Variants in CSMD1 observed in about 807,000 individuals in gnomAD.
CSMD1 encodes the protein CUB and Sushi multiple domains 1, also known as CUB and sushi domain-containing protein 1.
Under a neutral mutation model 417.5 loss-of-function variants are expected in CSMD1, and 213 were observed. That is an observed-to-expected ratio of 0.51 (90% CI 0.46 to 0.57). CSMD1 has a LOEUF of 0.57. Ranked by LOEUF, CSMD1 falls within the 20% of genes least tolerant of loss-of-function variation. CSMD1 has a pLI of 0.00. For missense variants in CSMD1, 6,923 were observed against 4,529.7 expected, an observed-to-expected ratio of 1.53 and a Z score of -15.17; for synonymous variants, 2,862 against 1,736.8, an observed-to-expected ratio of 1.65 and a Z score of -16.11.
chr8:4,801,998 G>A (rs1798312640), intron 1 of CSMD1, among the ~76,000 whole-genome samples: 1 of 152,142 alleles, frequency 6.6e-6, no homozygotes, highest in African/African-American at 2.4e-5. Flanking sequence ...GCAAGGCTCA[G>A]CATTTTGCTT....
At chr8:4,569,651 T>C (rs1373237290) in intron 2 of CSMD1, among the ~76,000 whole-genome samples, 1 of 151,834 alleles carries the variant, frequency 6.6e-6, no homozygotes, top group Non-Finnish European at 1.5e-5. Context: ...CCACATGACC[T>C]TTAGTTTTTT....
At chr8:3,693,919 GTGTT>G (rs1212069817) in intron 7 of CSMD1, among the ~76,000 whole-genome samples, 4 of 151,576 alleles carry the variant, frequency 2.6e-5, no homozygotes, top group East Asian at 3.9e-4. Flanking sequence ...GTGTGTGTGT[GTGTT>G]TGTTATGGTG....
At chr8:3,517,354 C>G (rs1010987742) in intron 10 of CSMD1, among the ~76,000 whole-genome samples, 3 of 152,152 alleles carry the variant, frequency 2.0e-5, no homozygotes, top group African/African-American at 7.2e-5. Context: ...ACAAGCAAAA[C>G]TATAGTGGTG....
At chr8:3,883,990 C>G (rs1409727591) in intron 5 of CSMD1, among the ~76,000 whole-genome samples, 1 of 152,096 alleles carries the variant, frequency 6.6e-6, no homozygotes, top group Non-Finnish European at 1.5e-5. Context: ...TAAACAGACA[C>G]ATTTGAAGGT....
Position 4,905,615 on chromosome 8 carries a change from C to T in CSMD1, c.85+88717G>A, listed in dbSNP as rs185107297. Among the ~76,000 whole-genome samples the T allele has an allele frequency of 1.1e-3, 160 of 151,706 alleles. 1 individual carries two copies. The highest frequency in any genetic ancestry group is 4.8e-3 in the South Asian group (23 of 4,810). On this transcript the variant is annotated intron_variant, in intron 1 of 69. Coordinates refer to ENST00000635120, the MANE Select transcript of CSMD1 (RefSeq NM_033225.6). ...TGGGCCCATCACGAGGTCATGAGAT[C>T]GAGGCCATCCTGGCTAACACGGTGA...
chr8:3,847,519 T>C (rs1803589018), intron 5 of CSMD1, among the ~76,000 whole-genome samples: 1 of 152,072 alleles, frequency 6.6e-6, no homozygotes, highest in African/African-American at 2.4e-5. Flanking sequence ...TGGAAGATAA[T>C]TCCAGCCTAA....
chr8:3,304,010 G>A (rs1233349038), intron 25 of CSMD1, among the ~76,000 whole-genome samples: 1 of 152,068 alleles, frequency 6.6e-6, no homozygotes, highest in Non-Finnish European at 1.5e-5. Context: ...CACTATATAA[G>A]CAGAAGTTGC....
intron 10 of CSMD1, among the ~76,000 whole-genome samples, chr8:3,527,747 C>A (rs764135359): frequency 6.6e-6 from 1 of 152,160 alleles, no homozygotes; most frequent in African/African-American, 2.4e-5. Context: ...GAAGACAGGA[C>A]TTCTCTGTAC....
intron 5 of CSMD1, among the ~76,000 whole-genome samples, chr8:3,843,949 AATG>A (rs1803308878): frequency 6.6e-6 from 1 of 152,180 alleles, no homozygotes; most frequent in South Asian, 2.1e-4. Flanking sequence ...ATCTGAGAAC[AATG>A]ATGAGGAACT....
At chr8:4,541,453 C>T (rs531577587) in intron 2 of CSMD1, among the ~76,000 whole-genome samples, 15 of 152,270 alleles carry the variant, frequency 9.9e-5, no homozygotes, top group African/African-American at 2.9e-4. Flanking sequence ...AGGTGTCCCA[C>T]GTTATCAAAA....
intron 35 of CSMD1, among the ~76,000 whole-genome samples, 157 bp from the exon 36 acceptor site, chr8:3,188,122 TCCA>T (rs1796181844): frequency 6.8e-6 from 1 of 146,416 alleles, no homozygotes; most frequent in East Asian, 2.0e-4. Flanking sequence ...TAATAATGCC[TCCA>T]ATGCCATATA....
At chr8:3,520,006 G>A (rs530204396) in intron 10 of CSMD1, among the ~76,000 whole-genome samples, 7 of 130,304 alleles carry the variant, frequency 5.4e-5, no homozygotes, top group African/African-American at 2.1e-4. Context: ...ATATATGTGT[G>A]TGTGTGTATA....
At chr8:3,970,986 G>C (rs111668744) in intron 5 of CSMD1, among the ~76,000 whole-genome samples, 2 of 152,100 alleles carry the variant, frequency 1.3e-5, no homozygotes, top group Admixed American at 1.3e-4. Context: ...CCTGACCTCA[G>C]GTGATCCCCC....
chr8:3,915,592 A>T (rs1326163757), intron 5 of CSMD1, among the ~76,000 whole-genome samples: 1 of 151,448 alleles, frequency 6.6e-6, no homozygotes, highest in African/African-American at 2.4e-5. Flanking sequence ...ATTTAATGGG[A>T]TTATTACTGA....
intron 12 of CSMD1, among the ~76,000 whole-genome samples, chr8:3,439,309 A>ATATATTTT: frequency 0.018 from 1,150 of 62,262 alleles, 37 homozygotes; most frequent in African/African-American, 0.032. Context: ...ATATATATAT[A>ATATATTTT]TTTTTTTTTT....
chr8:3,968,824 T>C (rs1278948379), intron 5 of CSMD1, among the ~76,000 whole-genome samples: 1 of 152,190 alleles, frequency 6.6e-6, no homozygotes. Flanking sequence ...TGATCCAGTA[T>C]AGGACAAGAT....
At chr8:3,427,105 C>G (rs1035790258) in intron 12 of CSMD1, among the ~76,000 whole-genome samples, 4 of 152,184 alleles carry the variant, frequency 2.6e-5, no homozygotes, top group African/African-American at 9.7e-5. Flanking sequence ...GATTCGATCA[C>G]TCTACTTGGC....
chr8:4,565,085 G>T (rs944457596), intron 2 of CSMD1, among the ~76,000 whole-genome samples: 1 of 152,182 alleles, frequency 6.6e-6, no homozygotes, highest in Non-Finnish European at 1.5e-5. Context: ...AACTTTCCCT[G>T]AGTGCTTTCT....
At chr8:4,314,478 C>T (rs576328457) in intron 3 of CSMD1, among the ~76,000 whole-genome samples, 1 of 152,128 alleles carries the variant, frequency 6.6e-6, no homozygotes, top group African/African-American at 2.4e-5. Context: ...GCATCCGTTC[C>T]TTGAATACCT....
Sources: allele counts gnomAD v4.1 joint callset (sites outside exome capture counted in the v4.1 genomes callset), GRCh38; gene constraint gnomAD v4.1.1; transcripts MANE v1.5; gene names NCBI Gene and HGNC (gene_info 2026-07-23, HGNC 2026-07-21).